Variants in CRAMP1 observed in about 807,000 individuals in gnomAD.
CRAMP1 encodes cramped chromatin regulator 1, also known as protein cramped-like.
Under a neutral mutation model 115.4 loss-of-function variants are expected in CRAMP1, and 50 were observed. That is an observed-to-expected ratio of 0.43 (90% CI 0.35 to 0.55). The LOEUF (loss-of-function observed/expected upper bound fraction) is 0.55, where lower values mean the gene tolerates loss of function less well. Among genes scored for constraint, CRAMP1 ranks in the 20% least tolerant of loss-of-function variants. CRAMP1 has a pLI of 0.01. For synonymous variants in CRAMP1, 866 were observed against 745.4 expected (o/e 1.16, Z -2.64); for missense variants, 1,679 against 1,721.7 (o/e 0.98, Z 0.44).
intron 3 of CRAMP1, among the ~76,000 whole-genome samples, chr16:1,629,395 C>T (rs1301136935): frequency 6.6e-6 from 1 of 152,190 alleles, no homozygotes; most frequent in Non-Finnish European, 1.5e-5. Context: ...CAGCCCTGCC[C>T]ATCTTTTGTT....
At chr16:1,646,360 C>T (rs888759181) in intron 6 of CRAMP1, among the ~76,000 whole-genome samples, 1 of 152,172 alleles carries the variant, frequency 6.6e-6, no homozygotes, top group Non-Finnish European at 1.5e-5. Flanking sequence ...CCACACTCCC[C>T]AGCACTCAGC....
At chr16:1,618,150 G>A (rs2036436837) in intron 2 of CRAMP1, among the ~76,000 whole-genome samples, 1 of 152,154 alleles carries the variant, frequency 6.6e-6, no homozygotes. Flanking sequence ...CTAGCCCTGG[G>A]CAAACTAGTC....
At chr16:1,645,959 C>T (rs930055530) in intron 6 of CRAMP1, among the ~76,000 whole-genome samples, 6 of 152,282 alleles carry the variant, frequency 3.9e-5, no homozygotes, top group African/African-American at 1.4e-4. Flanking sequence ...GCCCCAAGCA[C>T]CCTTTGCGCC....
Position 1,614,999 on chromosome 16 carries a change from T to G in CRAMP1, c.346+14T>G, listed in dbSNP as rs1184508063. On this transcript the variant is annotated intron_variant, in intron 2 of 20. Coordinates refer to ENST00000397412, the MANE Select transcript of CRAMP1 (RefSeq NM_020825.4). The surrounding 1 kb of genome is among the most constrained non-coding windows in gnomAD (Gnocchi z 4.4). ...CCCGCGGAAAAGGTAGGGCGGCCCG[T>G]CCCCTTGGGAGACCCCAGCCCCTCT... 19 of 1,237,134 alleles carry G rather than the reference T, an allele frequency of 1.5e-5. 1 individual carries two copies. The East Asian group carries it at 5.7e-4, about 37-fold the overall frequency. The allele number at this position is 1,237,134 out of a possible 1,614,324, so 76.6% of individuals were successfully genotyped here.
rs2036946955 is a variant in CRAMP1 at position 1,674,123 on chromosome 16, C to T, written c.*78C>T. On this transcript the variant is annotated 3_prime_UTR_variant, in exon 21 of 21. Coordinates refer to ENST00000397412, the MANE Select transcript of CRAMP1 (RefSeq NM_020825.4). ...AAGCCCAGCAGCCCCAGAAGATGGT[C>T]TGAACAGAGGCATCTCCGCACCCAA... 1 of 1,424,358 alleles carries T rather than the reference C, an allele frequency of 7.0e-7. No homozygotes were observed. The highest frequency in any genetic ancestry group is 9.6e-7 in the Non-Finnish European group (1 of 1,044,282). 88.2% of individuals were successfully genotyped at this position (1,424,358 alleles called of 1,614,324 possible).
At chr16:1,636,095 G>A (rs1246805740) in intron 4 of CRAMP1, among the ~76,000 whole-genome samples, 1 of 152,182 alleles carries the variant, frequency 6.6e-6, no homozygotes, top group Non-Finnish European at 1.5e-5. Context: ...ATGAGGCCAG[G>A]CGTGGTGGCT....
At chr16:1,636,276 C>T (rs909964422) in intron 4 of CRAMP1, among the ~76,000 whole-genome samples, 1 of 151,890 alleles carries the variant, frequency 6.6e-6, no homozygotes, top group Admixed American at 6.6e-5. Context: ...GAGGCTGAGG[C>T]AGGAGAATCC....
At chr16:1,658,072 C>T (rs952973675) in intron 10 of CRAMP1, among the ~76,000 whole-genome samples, 1 of 152,256 alleles carries the variant, frequency 6.6e-6, no homozygotes, top group Non-Finnish European at 1.5e-5. Flanking sequence ...CTGCATTCCC[C>T]ACGCCTCCCG....
rs762498866 is a variant in CRAMP1 at position 1,662,869 on chromosome 16, C to T, written c.2670+34C>T. The T allele has an allele frequency of 3.2e-5, 50 of 1,568,000 alleles. No homozygotes were observed. In the South Asian group the frequency reaches 5.2e-4, roughly 16 times the overall value. ...CTTCTCAAGTCTGAACGTGTGGCCTCGTGGCTGGGCCAACCAGGACACAGG... is the reference window on the plus strand; with the variant it reads ...CTTCTCAAGTCTGAACGTGTGGCCTTGTGGCTGGGCCAACCAGGACACAGG... On this transcript the variant is annotated intron_variant, in intron 13 of 20. Transcript: ENST00000397412.
intron 4 of CRAMP1, among the ~76,000 whole-genome samples, chr16:1,634,960 G>T (rs917435243): frequency 2.6e-5 from 4 of 152,114 alleles, no homozygotes; most frequent in African/African-American, 7.2e-5. Context: ...GTGCCATGGC[G>T]CACTCTCAGC....
At chr16:1,632,836 A>G (rs2036557901) in intron 4 of CRAMP1, among the ~76,000 whole-genome samples, 1 of 152,146 alleles carries the variant, frequency 6.6e-6, no homozygotes, top group African/African-American at 2.4e-5. Flanking sequence ...CAGTCACGGG[A>G]CCAAGTCATC....
intron 10 of CRAMP1, 115 bp downstream of exon 10, chr16:1,657,107 C>A: frequency 3.0e-6 from 3 of 991,736 alleles, no homozygotes; most frequent in Non-Finnish European, 4.3e-6. Flanking sequence ...ATGAGAGAGA[C>A]AGGGTCCTGT....
chr16:1,618,669 C>T (rs1370959518), intron 2 of CRAMP1, among the ~76,000 whole-genome samples: 1 of 152,188 alleles, frequency 6.6e-6, no homozygotes, highest in Non-Finnish European at 1.5e-5. Context: ...ACAATTTACT[C>T]TTTATATTTT....
chr16:1,664,153 C>T (rs1381597219), intron 13 of CRAMP1, among the ~76,000 whole-genome samples: 1 of 152,230 alleles, frequency 6.6e-6, no homozygotes, highest in Non-Finnish European at 1.5e-5. Context: ...GCGCCTCAGA[C>T]ACTTGTAGGT....
intron 1 of CRAMP1, among the ~76,000 whole-genome samples, chr16:1,613,981 C>G (rs2036390816): frequency 6.6e-6 from 1 of 151,994 alleles, no homozygotes. Flanking sequence ...CATGGAGTTC[C>G]CCGTGCGGGC....
chr16:1,656,446 C>G lies in CRAMP1; in HGVS notation c.1689C>G (p.Arg563=), dbSNP rs1255174568. The G allele has an allele frequency of 6.3e-7, 1 of 1,583,940 alleles. No individual in the cohort carries two copies. The highest frequency in any genetic ancestry group is 1.2e-5 in the South Asian group (1 of 86,738). The change falls in exon 10 of 21, where the codon CGC becomes CGG. Residue 563 remains arginine (R), a synonymous_variant. Coordinates refer to ENST00000397412, the MANE Select transcript of CRAMP1 (RefSeq NM_020825.4). This position sits in a 1 kb window ranked among gnomAD's most constrained non-coding sequence, Gnocchi z 5.6. ...TCTCGCTTCTAGACCCCTTGCCCCG[C>G]TACCTAAAGTCCTGTCAGGACCTCA... ...DELSLLDPLP[R]YLKSCQDLIV...
intron 16 of CRAMP1, 148 bp from the exon 17 acceptor site, chr16:1,667,187 A>G (rs2036883164): frequency 1.5e-6 from 1 of 649,378 alleles, no homozygotes; most frequent in Non-Finnish European, 2.8e-6. Flanking sequence ...AGTGTTCTCG[A>G]CCTTAGACCC....
intron 6 of CRAMP1, chr16:1,647,200 A>C (rs1038441476): frequency 1.2e-4 from 74 of 608,580 alleles, no homozygotes; most frequent in African/African-American, 1.2e-3. Flanking sequence ...CTTTGGTTTT[A>C]GAATTGTAAA....
chr16:1,641,224 G>T (rs758688872), intron 6 of CRAMP1, 37 bp downstream of exon 6: 6 of 1,490,806 alleles, frequency 4.0e-6, no homozygotes, highest in South Asian at 2.3e-5. Context: ...TCACTTCTCT[G>T]GGTGTTTTGT....
Sources: gnomAD v4.1 joint callset for allele counts (sites outside exome capture counted in the v4.1 genomes callset) on GRCh38, gnomAD v4.1.1 for gene constraint, Gnocchi (gnomAD v3.1) non-coding constraint, MANE v1.5 for transcripts, NCBI Gene and HGNC (gene_info 2026-07-23, HGNC 2026-07-21) for gene names.